MAN2B2: variants seen among roughly 807,000 people sequenced by gnomAD.
MAN2B2 encodes the protein epididymis-specific alpha-mannosidase.
In MAN2B2, 106 loss-of-function variants were observed where a neutral mutation model predicts 117.1. The observed-to-expected ratio is 0.90, with a 90% CI of 0.77 to 1.06. The LOEUF is 1.06. MAN2B2 is among the 50% of genes least tolerant of loss of function. The probability of loss-of-function intolerance (pLI) is 0.00; values close to 1 mark genes in which losing one functional copy is unlikely to be tolerated. For synonymous variants in MAN2B2, 544 were observed against 595.1 expected, an observed-to-expected ratio of 0.91 and a Z score of 1.25; for missense variants, 1,326 against 1,381.4, an observed-to-expected ratio of 0.96 and a Z score of 0.64.
chr4:6,609,898 G>A lies in MAN2B2; in HGVS notation c.2107G>A (p.Glu703Lys). 1.2e-6 allele frequency: 2 copies of A among 1,614,134 alleles called. No homozygotes were observed. The highest frequency in any genetic ancestry group is 1.7e-6 in the Non-Finnish European group (2 of 1,180,026). The change falls in exon 13 of 19, where the codon GAG becomes AAG. Residue 703 changes from glutamate to lysine, a missense_variant. Transcript: ENST00000285599. ...GCTGCTCTGCCACCGGATAGAGCAG[G>A]AGTACCAAGCCGGCCCCCTGGAGCT... Reference protein sequence around the residue: ...GELLCHRIEQEYQAGPLELNR... With the variant: ...GELLCHRIEQKYQAGPLELNR...
At chr4:6,589,628 C>A (rs1278174436) in intron 5 of MAN2B2, among the ~76,000 whole-genome samples, 1 of 152,152 alleles carries the variant, frequency 6.6e-6, no homozygotes, top group Admixed American at 6.5e-5. Flanking sequence ...GTTATCAACC[C>A]CATTTTACAG....
rs535321581 is a variant in MAN2B2 at position 6,611,851 on chromosome 4, G to C, written c.2563+573G>C. On this transcript the variant is annotated intron_variant, in intron 15 of 18. Transcript: ENST00000285599. ...ATCTAGGTGTGCTGTCACCAGGTGGGGGTCTTTCTAATCTATAGTCTAACC... is the reference window on the plus strand; with the variant it reads ...ATCTAGGTGTGCTGTCACCAGGTGGCGGTCTTTCTAATCTATAGTCTAACC... Among the ~76,000 whole-genome samples the C allele has an allele frequency of 1.1e-4, 16 of 152,212 alleles. No homozygotes were observed. The South Asian group carries it at 3.3e-3, about 32-fold the overall frequency.
In MAN2B2 at chr4:6,575,338, A is replaced by G; in HGVS notation, c.128A>G (p.Tyr43Cys). 6.3e-7 allele frequency: 1 copy of G among 1,581,020 alleles called. No homozygotes were observed. Among genetic ancestry groups the G allele is most frequent in the African/African-American group, 1.4e-5 (1 of 74,062 alleles). The part of the protein sequence containing the change: ...PHSHMDVGWV[Y>C]TVQESMRAYA... ...AGCCACATGGACGTGGGCTGGGTCT[A>G]CACTGTGCAGGTAGGTGCCGACCAC... The change falls in exon 1 of 19, where the codon TAC becomes TGC. Residue 43 changes from tyrosine to cysteine, a missense_variant. Tyr to Cys is a radical substitution (Grantham distance 194, BLOSUM62 -2). Coordinates refer to ENST00000285599, the MANE Select transcript of MAN2B2 (RefSeq NM_015274.3).
intron 6 of MAN2B2, among the ~76,000 whole-genome samples, 171 bp from the exon 7 acceptor site, chr4:6,594,363 C>T (rs1387519607): frequency 2.0e-5 from 3 of 152,128 alleles, no homozygotes; most frequent in Non-Finnish European, 4.4e-5. Flanking sequence ...ACCCGGGAGG[C>T]GGAGGTTGCA....
chr4:6,611,048 G>A (rs751268347), intron 14 of MAN2B2, 38 bp from the exon 15 acceptor site: 1 of 1,611,998 alleles, frequency 6.2e-7, no homozygotes, highest in South Asian at 1.1e-5. Flanking sequence ...GGCATGCCCA[G>A]GTGCAAGCCG....
intron 6 of MAN2B2, 114 bp from the exon 7 acceptor site, chr4:6,594,420 G>A (rs1216044674): frequency 1.6e-5 from 17 of 1,071,620 alleles, no homozygotes; most frequent in Non-Finnish European, 2.1e-5. Context: ...TGGGGCCCCT[G>A]TTGGCCGCCT....
chr4:6,575,511 G>T (rs1329127508), intron 1 of MAN2B2, among the ~76,000 whole-genome samples, 163 bp downstream of exon 1: 1 of 152,252 alleles, frequency 6.6e-6, no homozygotes, highest in African/African-American at 2.4e-5. Flanking sequence ...GCTAACTTCG[G>T]GCCAGTCACT....
intron 4 of MAN2B2, among the ~76,000 whole-genome samples, chr4:6,587,950 G>T (rs1222059799): frequency 1.3e-5 from 2 of 151,774 alleles, no homozygotes; most frequent in Admixed American, 1.3e-4. Flanking sequence ...GTAGAGACGG[G>T]GTTTCACCAT....
At chr4:6,598,122 C>G in intron 8 of MAN2B2, 76 bp from the exon 9 acceptor site, 1 of 1,514,056 alleles carries the variant, frequency 6.6e-7, no homozygotes, top group Non-Finnish European at 9.0e-7. Flanking sequence ...GAGCCAGCGC[C>G]TAGTAGGTGC....
intron 16 of MAN2B2, among the ~76,000 whole-genome samples, chr4:6,616,672 G>A (rs1560103044): frequency 6.6e-6 from 1 of 152,168 alleles, no homozygotes; most frequent in Non-Finnish European, 1.5e-5. Flanking sequence ...AAAGGGGGCA[G>A]GGTAGGAGAG....
At chr4:6,620,410 G>A (rs1171917667) in intron 18 of MAN2B2, 1 of 233,844 alleles carries the variant, frequency 4.3e-6, no homozygotes, top group Non-Finnish European at 8.6e-6. Context: ...GTGCCACCGT[G>A]AGCTCCTGCA....
intron 5 of MAN2B2, 102 bp from the exon 6 acceptor site, chr4:6,593,071 A>T (rs565522061): frequency 1.8e-6 from 2 of 1,088,630 alleles, no homozygotes; most frequent in African/African-American, 1.6e-5. Context: ...GGGTGAAATG[A>T]TGTGCCAAGG....
intron 3 of MAN2B2, among the ~76,000 whole-genome samples, chr4:6,583,761 C>T (rs561825369): frequency 3.0e-4 from 46 of 152,314 alleles, no homozygotes; most frequent in Non-Finnish European, 4.9e-4. Flanking sequence ...CAAGTGGGCA[C>T]GTGAAGGTCA....
chr4:6,614,147 C>A, intron 15 of MAN2B2, 71 bp from the exon 16 acceptor site: 1 of 1,567,194 alleles, frequency 6.4e-7, no homozygotes, highest in South Asian at 1.2e-5. Flanking sequence ...ATGTAATGTG[C>A]AGAGCTCTGA....
rs766523329 is a variant in MAN2B2 at position 6,593,332 on chromosome 4, G to A, written c.840G>A (p.Pro280=). The change falls in exon 6 of 19, where the codon CCG becomes CCA. Residue 280 remains proline (P), a synonymous_variant. Coordinates refer to ENST00000285599, the MANE Select transcript of MAN2B2 (RefSeq NM_015274.3). The part of the protein sequence containing the change: ...VKQRAAWFRT[P]HVLWPWGCDK... ...AGAGGGCCGCCTGGTTCCGGACACC[G>A]CACGTCCTCTGGCCCTGGGTAAGGC... The A allele has an allele frequency of 4.7e-5, 76 of 1,612,692 alleles. 1 individual carries two copies. Among genetic ancestry groups the A allele is most frequent in the Middle Eastern group, 1.7e-4 (1 of 6,058 alleles).
At chr4:6,620,119 A>AT (rs1235418945) in intron 18 of MAN2B2, 75 bp downstream of exon 18, 1 of 1,252,680 alleles carries the variant, frequency 8.0e-7, no homozygotes, top group Non-Finnish European at 1.1e-6. Flanking sequence ...CCCGGTGCAC[A>AT]TCCAACCATC....
chr4:6,620,442 C>G (rs1175520282), intron 18 of MAN2B2: 1 of 210,202 alleles, frequency 4.8e-6, no homozygotes, highest in Admixed American at 5.3e-5. Flanking sequence ...TTCCAGGCTC[C>G]ACTCCCTGTC....
At chr4:6,599,753 TGCCCACTGCCCTA>T (rs1198572717) in intron 9 of MAN2B2, among the ~76,000 whole-genome samples, 2 of 151,874 alleles carry the variant, frequency 1.3e-5, no homozygotes, top group Admixed American at 1.3e-4. Flanking sequence ...AGCTGTGGCC[TGCCCACTGCCCTA>T]GCATCTAACA....
intron 18 of MAN2B2, chr4:6,620,980 C>T (rs982693766): frequency 6.3e-5 from 34 of 541,820 alleles, no homozygotes; most frequent in African/African-American, 4.6e-4. Context: ...TGCCATAGGC[C>T]GTTGCCACGG....
Sources: gnomAD v4.1 joint callset for allele counts (sites outside exome capture counted in the v4.1 genomes callset) on GRCh38, gnomAD v4.1.1 for gene constraint, MANE v1.5 for transcripts, NCBI Gene and HGNC (gene_info 2026-07-23, HGNC 2026-07-21) for gene names.